Variants in ULK4 observed in about 807,000 individuals in gnomAD.
ULK4 encodes the protein unc-51 like kinase 4, also known as inactive serine/threonine-protein kinase ULK4.
ULK4 carries 133 observed loss-of-function variants against 160.6 expected under a neutral mutation model. That is an observed-to-expected ratio of 0.83 (90% CI 0.72 to 0.96). The LOEUF is 0.96. Among genes scored for constraint, ULK4 ranks in the 40% least tolerant of loss-of-function variants. ULK4 has a pLI of 0.00. For synonymous variants in ULK4, 534 were observed against 539.8 expected (o/e 0.99, Z 0.15); for missense variants, 1,580 against 1,499.5 (o/e 1.05, Z -0.89).
At chr3:41,492,151 G>T (rs7373160) in intron 32 of ULK4, among the ~76,000 whole-genome samples, 128,638 of 149,174 alleles carry the variant, frequency 0.86, 56,374 homozygotes, top group Non-Finnish European at 0.94. Flanking sequence ...TTTGGGTCGG[G>T]TCCAAGTCTT....
At chr3:41,872,135 C>A (rs1391977593) in intron 17 of ULK4, among the ~76,000 whole-genome samples, 1 of 152,192 alleles carries the variant, frequency 6.6e-6, no homozygotes, top group African/African-American at 2.4e-5. Flanking sequence ...GTACAGGACG[C>A]TCAGTCCTAA....
At chr3:41,361,497 C>T (rs1343278876) in intron 35 of ULK4, among the ~76,000 whole-genome samples, 1 of 152,194 alleles carries the variant, frequency 6.6e-6, no homozygotes, top group African/African-American at 2.4e-5. Context: ...AAGCAGCTGA[C>T]TAAATCCAGA....
rs781502338 is a variant in ULK4, at chr3:41,896,976, T to C, written c.1376A>G (p.Gln459Arg). The change falls in exon 15 of 37, where the codon CAA (glutamine) becomes CGA (arginine). Residue 459 changes from glutamine to arginine, a missense_variant. Transcript: ENST00000301831. ...TTGTTGCAAAAAGTCATTCCAATCT[T>C]GATCTTTCAGAAATAATAACTTATC... ...SVDKLLFLKD[Q>R]DWNDFLQQVC... 1.2e-6 allele frequency: 2 copies of C among 1,612,718 alleles called. No homozygotes were observed. The highest frequency in any genetic ancestry group is 1.7e-6 in the Non-Finnish European group (2 of 1,179,636).
At chr3:41,748,093 T>C (rs2125889391) in intron 22 of ULK4, among the ~76,000 whole-genome samples, 1 of 151,938 alleles carries the variant, frequency 6.6e-6, no homozygotes, top group African/African-American at 2.4e-5. Flanking sequence ...ATAATATTGG[T>C]TATTACTGGA....
chr3:41,515,151 G>C (rs2085709348), intron 32 of ULK4, among the ~76,000 whole-genome samples: 1 of 151,922 alleles, frequency 6.6e-6, no homozygotes, highest in Non-Finnish European at 1.5e-5. Context: ...CACCTACTTA[G>C]GAGGCTAAGG....
At position 41,412,553 on chromosome 3, in the gene ULK4, A is replaced by ATTTTTTTTTTTTTTTTT. The variant is rs57224854; in HGVS notation, c.3493-14306_3493-14290dup. On this transcript the variant is annotated intron_variant, in intron 34 of 36. Coordinates refer to ENST00000301831, the MANE Select transcript of ULK4 (RefSeq NM_017886.4). ...TAAAGGTCAATGGCAATGCAGTTGA[A>ATTTTTTTTTTTTTTTTT]TTTTTTTTTTTTTTTTTTTTTTTTT... is the stretch of plus-strand genomic sequence containing the variant. 5.6e-3 allele frequency among the ~76,000 whole-genome samples: 559 copies of ATTTTTTTTTTTTTTTTT among 100,374 alleles called. 38 individuals are homozygous for ATTTTTTTTTTTTTTTTT. The highest frequency in any genetic ancestry group is 7.2e-3 in the Non-Finnish European group (365 of 50,706). 65.8% of individuals were successfully genotyped at this position (100,374 alleles called of 152,430 possible). A position where few individuals can be genotyped will look rare whatever the true frequency, so the allele number is the denominator to read the frequency against.
intron 27 of ULK4, among the ~76,000 whole-genome samples, chr3:41,702,836 TTTTG>T (rs775984396): frequency 3.0e-4 from 45 of 150,036 alleles, no homozygotes; most frequent in Non-Finnish European, 6.0e-4. Flanking sequence ...AGTAAGTTTT[TTTTG>T]TTTGTTTTTT....
At chr3:41,950,692 A>G (rs964217410) in intron 2 of ULK4, among the ~76,000 whole-genome samples, 7 of 151,854 alleles carry the variant, frequency 4.6e-5, no homozygotes, top group Admixed American at 2.0e-4. Context: ...TCCAGGGGGA[A>G]TTTCTATACA....
intron 35 of ULK4, among the ~76,000 whole-genome samples, chr3:41,323,941 C>T (rs908738654): frequency 1.3e-5 from 2 of 152,176 alleles, no homozygotes; most frequent in African/African-American, 4.8e-5. Flanking sequence ...GAGAAGGCAC[C>T]GAAGCTTGCA....
At chr3:41,904,576 C>T (rs1042143755) in intron 12 of ULK4, among the ~76,000 whole-genome samples, 8 of 152,116 alleles carry the variant, frequency 5.3e-5, no homozygotes, top group African/African-American at 1.9e-4. Flanking sequence ...CAACATCTAT[C>T]GCATTTCAAA....
Position 41,604,220 on chromosome 3 carries a change from T to C in ULK4, c.3120+11449A>G, listed in dbSNP as rs575649959. Among the ~76,000 whole-genome samples the C allele has an allele frequency of 2.0e-4, 31 of 151,808 alleles. No individual in the cohort carries two copies. The East Asian group carries it at 5.8e-3, about 29-fold the overall frequency. ...AGAGGTCAATGTGGTAAAAGCATAA[T>C]CAGGAAGGGAAAGAGAGAGATGACA... On this transcript the variant is annotated intron_variant, in intron 31 of 36. Transcript: ENST00000301831.
At chr3:41,775,439 C>T (rs533890635) in intron 21 of ULK4, among the ~76,000 whole-genome samples, 60 of 148,532 alleles carry the variant, frequency 4.0e-4, no homozygotes, top group Non-Finnish European at 6.0e-4. Flanking sequence ...TGCTCTGTCA[C>T]CCAGGCTGGA....
At chr3:41,445,569 G>A (rs9816073) in intron 34 of ULK4, among the ~76,000 whole-genome samples, 37,155 of 151,742 alleles carry the variant, frequency 0.24, 4,782 homozygotes, top group African/African-American at 0.31. Context: ...AAATAATGCC[G>A]CATATCTACA....
At chr3:41,824,722 A>G (rs1011977351) in intron 18 of ULK4, among the ~76,000 whole-genome samples, 1 of 152,184 alleles carries the variant, frequency 6.6e-6, no homozygotes, top group Non-Finnish European at 1.5e-5. Flanking sequence ...CTGCCTCTGT[A>G]GACTCCACCT....
At chr3:41,386,722 T>C (rs1194783534) in intron 35 of ULK4, among the ~76,000 whole-genome samples, 1 of 152,170 alleles carries the variant, frequency 6.6e-6, no homozygotes, top group East Asian at 1.9e-4. Flanking sequence ...TGGTTCTGGA[T>C]CATACATCCT....
At chr3:41,606,337 A>G (rs1392748515) in intron 31 of ULK4, among the ~76,000 whole-genome samples, 1 of 152,056 alleles carries the variant, frequency 6.6e-6, no homozygotes, top group Non-Finnish European at 1.5e-5. Context: ...GCTGAATAGT[A>G]ATCCACTGCA....
At chr3:41,455,947 T>A (rs1303223259) in intron 33 of ULK4, among the ~76,000 whole-genome samples, 1 of 152,164 alleles carries the variant, frequency 6.6e-6, no homozygotes, top group Non-Finnish European at 1.5e-5. Context: ...TCTCCCTCTG[T>A]CACCCAGGCT....
In ULK4 at chr3:41,455,054, TA is replaced by T. The variant is rs1184982404; in HGVS notation, c.3492+442del. Among the ~76,000 whole-genome samples, 15 of 152,336 alleles carry T rather than the reference TA, an allele frequency of 9.8e-5. No homozygotes were observed. The East Asian group carries it at 1.2e-3, about 12-fold the overall frequency. ...GGTCGTGTATAGTCTTACCTGTTTTTATTTAATTTTGCTTATTTCATTCCAT... is the reference window on the plus strand; with the variant it reads ...GGTCGTGTATAGTCTTACCTGTTTTTTTTAATTTTGCTTATTTCATTCCAT... On this transcript the variant is annotated intron_variant, in intron 34 of 36. Coordinates refer to ENST00000301831, the MANE Select transcript of ULK4 (RefSeq NM_017886.4).
intron 32 of ULK4, among the ~76,000 whole-genome samples, chr3:41,529,878 A>C (rs1350413897): frequency 6.6e-6 from 1 of 152,202 alleles, no homozygotes; most frequent in East Asian, 1.9e-4. Flanking sequence ...AAGAAGCCAG[A>C]CACAAAGACC....
Sources: allele counts gnomAD v4.1 joint callset (sites outside exome capture counted in the v4.1 genomes callset), GRCh38; gene constraint gnomAD v4.1.1; transcripts MANE v1.5; gene names NCBI Gene and HGNC (gene_info 2026-07-23, HGNC 2026-07-21).